The following VAV3 variants were observed in gnomAD, a reference collection of about 807,000 sequenced individuals.
VAV3 encodes the protein vav guanine nucleotide exchange factor 3.
In VAV3, 94 loss-of-function variants were observed where a neutral mutation model predicts 131.2. The observed-to-expected ratio is 0.72, with a 90% CI of 0.61 to 0.85. VAV3 has a LOEUF of 0.85. VAV3 is among the 40% of genes least tolerant of loss of function. VAV3 has a pLI of 0.00. For synonymous variants in VAV3, 349 were observed against 342.0 expected, an observed-to-expected ratio of 1.02 and a Z score of -0.22; for missense variants, 939 against 1,002.7, an observed-to-expected ratio of 0.94 and a Z score of 0.86.
At chr1:107,844,169 G>A (rs565919083) in intron 2 of VAV3, among the ~76,000 whole-genome samples, 2 of 151,830 alleles carry the variant, frequency 1.3e-5, no homozygotes, top group Non-Finnish European at 2.9e-5. Context: ...CCCACCGAGG[G>A]CAAGCAGAAG....
At chr1:107,814,069 T>C (rs1187761018) in intron 2 of VAV3, among the ~76,000 whole-genome samples, 6 of 151,606 alleles carry the variant, frequency 4.0e-5, no homozygotes, top group African/African-American at 1.5e-4. Flanking sequence ...AACATTTAGG[T>C]TGATTCCATA....
At chr1:107,857,541 T>C (rs557631302) in intron 2 of VAV3, among the ~76,000 whole-genome samples, 51 of 152,310 alleles carry the variant, frequency 3.3e-4, no homozygotes, top group Middle Eastern at 6.8e-3. Flanking sequence ...TTAGGAACAA[T>C]GGAGGATATG....
chr1:107,859,073 GT>G (rs576650255), intron 2 of VAV3, among the ~76,000 whole-genome samples: 2,571 of 138,600 alleles, frequency 0.019, 58 homozygotes, highest in African/African-American at 0.053. Flanking sequence ...TTCTTGAGGA[GT>G]TTTTTTTTTT....
At chr1:107,946,598 T>C in intron 1 of VAV3, among the ~76,000 whole-genome samples, 1 of 152,164 alleles carries the variant, frequency 6.6e-6, no homozygotes. Context: ...GAAAATAATC[T>C]GCACAAGGAC....
At chr1:107,686,310 T>G (rs1353539744) in intron 18 of VAV3, among the ~76,000 whole-genome samples, 1 of 151,532 alleles carries the variant, frequency 6.6e-6, no homozygotes, top group Admixed American at 6.6e-5. Flanking sequence ...GCAAATAAAG[T>G]GCAAAATTTA....
intron 1 of VAV3, among the ~76,000 whole-genome samples, chr1:107,962,331 G>T (rs1057104956): frequency 6.7e-6 from 1 of 150,298 alleles, no homozygotes; most frequent in Admixed American, 6.6e-5. Flanking sequence ...AGTAGTTAGC[G>T]GCAAAATGTC....
chr1:107,840,622 G>A (rs181707738), intron 2 of VAV3, among the ~76,000 whole-genome samples: 56 of 152,116 alleles, frequency 3.7e-4, no homozygotes, highest in South Asian at 1.9e-3. Context: ...CAAAGTTAAC[G>A]TTCTTAACGT....
intron 15 of VAV3, among the ~76,000 whole-genome samples, chr1:107,734,690 G>A (rs1316194740): frequency 6.6e-6 from 1 of 152,018 alleles, no homozygotes; most frequent in Non-Finnish European, 1.5e-5. Context: ...CCCAATACAG[G>A]AGCACCCAGA....
chr1:107,917,908 G>C (rs1484694100), intron 1 of VAV3, among the ~76,000 whole-genome samples: 2 of 152,074 alleles, frequency 1.3e-5, no homozygotes, highest in Non-Finnish European at 2.9e-5. Flanking sequence ...AGTATTTTCA[G>C]ATGAGGAATG....
intron 2 of VAV3, among the ~76,000 whole-genome samples, chr1:107,851,712 T>C (rs1047842917): frequency 1.2e-4 from 18 of 152,204 alleles, no homozygotes; most frequent in African/African-American, 4.3e-4. Context: ...GAAATAAACA[T>C]ATAATAGAGA....
At chr1:107,842,302 G>A (rs1668756534) in intron 2 of VAV3, among the ~76,000 whole-genome samples, 1 of 152,178 alleles carries the variant, frequency 6.6e-6, no homozygotes, top group South Asian at 2.1e-4. Flanking sequence ...GAGATGAATA[G>A]CTAAAAATAA....
intron 20 of VAV3, among the ~76,000 whole-genome samples, chr1:107,640,082 T>C (rs1458917217): frequency 6.6e-6 from 1 of 152,122 alleles, no homozygotes; most frequent in Non-Finnish European, 1.5e-5. Flanking sequence ...TAAATGTATA[T>C]CTACATATGA....
intron 16 of VAV3, 130 bp from the exon 17 acceptor site, chr1:107,704,780 C>A: frequency 1.0e-6 from 1 of 961,310 alleles, no homozygotes; most frequent in South Asian, 1.6e-5. Context: ...GGGAGACGAG[C>A]TTGCCAGAGC....
rs774841724 is a variant in VAV3 at position 107,596,314 on chromosome 1, A to T, written c.2248T>A (p.Ser750Thr). ...MELVEYYKHHSLKEGFRTLDT... is the reference protein window; with the variant it reads ...MELVEYYKHHTLKEGFRTLDT... The stretch of plus-strand genomic sequence containing the variant: ...AAGGTTCTGAACCCTTCCTTGAGAG[A>T]ATGATGCTTGTAGTACTCCACAAGT... Residue 750 changes from serine (S) to threonine (T), a missense_variant, in exon 25 of 27, where the codon TCT becomes ACT. Coordinates refer to ENST00000370056, the MANE Select transcript of VAV3 (RefSeq NM_006113.5). The T allele has an allele frequency of 4.3e-6, 7 of 1,613,316 alleles. No homozygotes were observed. The South Asian group carries it at 7.7e-5, about 18-fold the overall frequency.
chr1:107,680,335 T>C, intron 19 of VAV3, among the ~76,000 whole-genome samples: 1 of 151,996 alleles, frequency 6.6e-6, no homozygotes, highest in South Asian at 2.1e-4. Context: ...AATCTGAAAA[T>C]GACTGTGATT....
At chr1:107,890,860 A>G (rs927170419) in intron 1 of VAV3, among the ~76,000 whole-genome samples, 17 of 152,222 alleles carry the variant, frequency 1.1e-4, no homozygotes, top group African/African-American at 3.4e-4. Flanking sequence ...GTGCTAGATC[A>G]TTCTAGAACT....
rs544276276 is a variant in VAV3 at position 107,640,510 on chromosome 1, G to C, written c.1914+2109C>G. ...AGGAGCATGATGGAGGGATTACCAA[G>C]GGGCACAAAAACTTTTAGGGATGAT... On this transcript the variant is annotated intron_variant, in intron 20 of 26. Transcript: ENST00000370056. Among the ~76,000 whole-genome samples, 23 of 152,222 alleles carry C rather than the reference G, an allele frequency of 1.5e-4. No homozygotes were observed. In the East Asian group the frequency reaches 4.4e-3, roughly 29 times the overall value.
intron 2 of VAV3, among the ~76,000 whole-genome samples, chr1:107,828,036 T>C (rs1333462014): frequency 6.6e-6 from 1 of 152,128 alleles, no homozygotes; most frequent in Non-Finnish European, 1.5e-5. Context: ...GTCACAAAAT[T>C]GCTAAGCATT....
chr1:107,847,134 G>A (rs182126878), intron 2 of VAV3, among the ~76,000 whole-genome samples: 4 of 152,060 alleles, frequency 2.6e-5, no homozygotes, highest in Non-Finnish European at 4.4e-5. Context: ...AAAACCACAC[G>A]ACTACAAGGA....
Sources: allele counts gnomAD v4.1 joint callset (sites outside exome capture counted in the v4.1 genomes callset), GRCh38; gene constraint gnomAD v4.1.1; transcripts MANE v1.5; gene names NCBI Gene and HGNC (gene_info 2026-07-23, HGNC 2026-07-21).